KCNH2: variants seen among roughly 807,000 people sequenced by gnomAD.
The protein encoded by KCNH2 is voltage-gated inwardly rectifying potassium channel KCNH2.
Under a neutral mutation model 95.9 loss-of-function variants are expected in KCNH2, and 35 were observed. The ratio of observed to expected loss-of-function variants is 0.37; its 90% CI spans 0.28 to 0.48. The LOEUF (loss-of-function observed/expected upper bound fraction) is 0.48, where lower values mean the gene tolerates loss of function less well. Among genes scored for constraint, KCNH2 ranks in the 20% least tolerant of loss-of-function variants. The pLI, the probability that KCNH2 is intolerant of heterozygous loss-of-function variation, is 0.99. For synonymous variants in KCNH2, 786 were observed against 754.7 expected (o/e 1.04, Z -0.68); for missense variants, 1,274 against 1,702.9 (o/e 0.75, Z 4.43).
In KCNH2 at chr7:150,949,094, C is replaced by T. The variant is rs866912486; in HGVS notation, c.2399-45G>A. 1.4e-5 allele frequency: 22 copies of T among 1,559,932 alleles called. No individual in the cohort carries two copies. The Middle Eastern group carries it at 2.5e-3, about 179-fold the overall frequency. ...CAGGGAGCTCAGCCCCGGGGGGCGG[C>T]ATCCAGGCAGCAGGCACCTTCTCCC... On this transcript the variant is annotated intron_variant, in intron 9 of 14. Transcript: ENST00000262186.
chr7:150,953,141 G>C (rs921421817), intron 5 of KCNH2, among the ~76,000 whole-genome samples: 1 of 152,106 alleles, frequency 6.6e-6, no homozygotes, highest in Admixed American at 6.5e-5. Flanking sequence ...GCTGCTCCCC[G>C]CCGGCAATGC....
intron 2 of KCNH2, among the ~76,000 whole-genome samples, chr7:150,967,546 A>C (rs1801737702): frequency 6.6e-6 from 1 of 152,246 alleles, no homozygotes; most frequent in Non-Finnish European, 1.5e-5. Flanking sequence ...AGCGGAAAAG[A>C]ACAGACTGTT....
In KCNH2 at chr7:150,947,832, C is replaced by A; in HGVS notation, c.2739G>T (p.Ala913=). 6.6e-7 allele frequency: 1 copy of A among 1,525,618 alleles called. No individual in the cohort carries two copies. Among genetic ancestry groups the A allele is most frequent in the South Asian group, 1.2e-5 (1 of 82,222 alleles). 94.5% of individuals were successfully genotyped at this position (1,525,618 alleles called of 1,614,324 possible). A position where few individuals can be genotyped will look rare whatever the true frequency, so the allele number is the denominator to read the frequency against. The change falls in exon 12 of 15, where the codon GCG becomes GCT. Residue 913 remains alanine (A), a synonymous_variant. Coordinates refer to ENST00000262186, the MANE Select transcript of KCNH2 (RefSeq NM_000238.4). The part of the protein sequence containing the change: ...GEVSALGPGR[A]GAGPSSRGRP... ...GGCCCCGGCTACTCGGCCCTGCCCC[C>A]GCCCGGCCCGGCCCCAAGGCCGACA...
chr7:150,950,055 AC>A, intron 9 of KCNH2, 112 bp downstream of exon 9: 1 of 1,611,242 alleles, frequency 6.2e-7, no homozygotes, highest in Non-Finnish European at 8.5e-7. Flanking sequence ...GAGCCCAGTG[AC>A]CCTGCAGGCA....
rs794728405 is a variant in KCNH2, at chr7:150,946,902, G to A, written c.3305C>T (p.Thr1102Ile). ...CTGAGAAAGCGAGTCCAAGGTGAGG[G>A]TGGGGAGGGGGCTGACGGGCAACAG... ...SPLLPVSPLP[T>I]LTLDSLSQVS... Residue 1102 changes from threonine to isoleucine, a missense_variant, in exon 14 of 15, where the codon ACC (threonine) becomes ATC (isoleucine). Around this residue, in one of 7 missense-constraint regions of KCNH2, gnomAD observed 457 missense variants for 416.1 expected, o/e 1.10. Coordinates refer to ENST00000262186, the MANE Select transcript of KCNH2 (RefSeq NM_000238.4). The surrounding 1 kb of genome is among the most constrained non-coding windows in gnomAD (Gnocchi z 6.5). 3.1e-6 allele frequency: 5 copies of A among 1,599,324 alleles called. No homozygotes were observed. The highest frequency in any genetic ancestry group is 2.2e-5 in the East Asian group (1 of 44,510).
At position 150,945,654 on chromosome 7, in the gene KCNH2, C is replaced by G; in HGVS notation, c.3331-140G>C. ...GAGGAGAGTCAGGTGGGCAGAGAAG[C>G]TGGAGGGGACAAGAGCCAAGGCAGC... On this transcript the variant is annotated intron_variant, in intron 14 of 14. Transcript: ENST00000262186. This position sits in a 1 kb window ranked among gnomAD's most constrained non-coding sequence, Gnocchi z 5.6. 1 of 902,776 alleles carries G rather than the reference C, an allele frequency of 1.1e-6. No individual in the cohort carries two copies. Among genetic ancestry groups the G allele is most frequent in the Non-Finnish European group, 1.8e-6 (1 of 568,878 alleles). 55.9% of individuals were successfully genotyped at this position (902,776 alleles called of 1,614,324 possible).
intron 2 of KCNH2, among the ~76,000 whole-genome samples, chr7:150,960,812 C>T (rs1022389170): frequency 1.3e-5 from 2 of 152,122 alleles, no homozygotes; most frequent in Admixed American, 1.3e-4. Flanking sequence ...AGCCAAGCAC[C>T]CCTGGTCTCC....
Position 150,945,992 on chromosome 7 carries a change from G to C in KCNH2, c.3331-478C>G, listed in dbSNP as rs1800873518. On this transcript the variant is annotated intron_variant, in intron 14 of 14. Transcript: ENST00000262186. The surrounding 1 kb of genome is among the most constrained non-coding windows in gnomAD (Gnocchi z 5.6). ...GGGAGAGGGCCGGGGCAGGCGGGAG[G>C]GGTTTGTGGGTACTGAGCGTCTGCT... Among the ~76,000 whole-genome samples the C allele has an allele frequency of 6.6e-6, 1 of 152,216 alleles. No individual in the cohort carries two copies. Among genetic ancestry groups the C allele is most frequent in the South Asian group, 2.1e-4 (1 of 4,836 alleles).
Position 150,955,501 on chromosome 7 carries a change from C to G in KCNH2, c.1128+1790G>C, listed in dbSNP as rs775923493. 7 of 1,545,944 alleles carry G rather than the reference C, an allele frequency of 4.5e-6. 1 individual carries two copies. In the South Asian group the frequency reaches 8.4e-5, roughly 18 times the overall value. On this transcript the variant is annotated intron_variant, in intron 5 of 14. Coordinates refer to ENST00000262186, the MANE Select transcript of KCNH2 (RefSeq NM_000238.4). ...TGCTCGCCTTCCCGGCTGGGGCCGCCATGGAGGACTTGGCTCCCTGCAGCC... is the reference window on the plus strand; with the variant it reads ...TGCTCGCCTTCCCGGCTGGGGCCGCGATGGAGGACTTGGCTCCCTGCAGCC...
Position 150,958,421 on chromosome 7 carries a change from G to T in KCNH2, c.554C>A (p.Ala185Glu). 1 of 1,444,346 alleles carries T rather than the reference G, an allele frequency of 6.9e-7. No homozygotes were observed. The highest frequency in any genetic ancestry group is 9.0e-7 in the Non-Finnish European group (1 of 1,107,418). The allele number at this position is 1,444,346 out of a possible 1,614,324, so 89.5% of individuals were successfully genotyped here. ...ARESSVRSGG[A>E]GGAGAPGAVV... ...GGCCCCCGGGGCGCCCGCGCCGCCC[G>T]CGCCGCCCGACCGCACCGACGACTC... Residue 185 changes from alanine (A) to glutamate (E), a missense_variant, in exon 4 of 15, where the codon GCG (alanine) becomes GAG (glutamate). Ala to Glu is a moderately radical substitution (Grantham distance 107). Transcript: ENST00000262186.
Position 150,949,192 on chromosome 7 carries a change from C to T in KCNH2, c.2399-143G>A, listed in dbSNP as rs939383245. ...CCAGCCGGCCCCCAACCCACACAAC[C>T]GGGGAAGCAATCTGCCAGCCCACCC... On this transcript the variant is annotated intron_variant, in intron 9 of 14. Transcript: ENST00000262186. 66 of 1,096,156 alleles carry T rather than the reference C, an allele frequency of 6.0e-5. No individual in the cohort carries two copies. The African/African-American group carries it at 6.9e-4, about 11-fold the overall frequency. 67.9% of individuals were successfully genotyped at this position (1,096,156 alleles called of 1,614,324 possible).
chr7:150,945,409 T>A lies in KCNH2; in HGVS notation c.3436A>T (p.Thr1146Ser), dbSNP rs778879572. 93 of 1,583,158 alleles carry A rather than the reference T, an allele frequency of 5.9e-5. No individual in the cohort carries two copies. The Admixed American group carries it at 1.2e-3, about 20-fold the overall frequency. Residue 1146 changes from threonine (T) to serine (S), a missense_variant, in exon 15 of 15, where the codon ACC (threonine) becomes TCC (serine). By Grantham distance (58) the Thr-to-Ser change is moderately conservative. This residue lies in a region of KCNH2 where 457 missense variants were observed against 416.1 expected (regional missense o/e 1.10). Coordinates refer to ENST00000262186, the MANE Select transcript of KCNH2 (RefSeq NM_000238.4). The surrounding 1 kb of genome is among the most constrained non-coding windows in gnomAD (Gnocchi z 5.6). Reference protein sequence around the residue: ...LSLPGQLGALTSQPLHRHGSD... With the variant: ...LSLPGQLGALSSQPLHRHGSD... ...CCGTGTCTGTGCAGGGGCTGGGAGG[T>A]GAGGGCCCCCAGCTGGCCCGGTAGG...
At chr7:150,964,592 G>T (rs1563178955) in intron 2 of KCNH2, among the ~76,000 whole-genome samples, 1 of 152,356 alleles carries the variant, frequency 6.6e-6, no homozygotes, top group East Asian at 1.9e-4. Context: ...CAGATGAGAT[G>T]ACAGATGGCT....
intron 2 of KCNH2, among the ~76,000 whole-genome samples, chr7:150,972,818 G>C (rs41308993): frequency 0.033 from 5,060 of 152,256 alleles, 114 homozygotes; most frequent in Middle Eastern, 0.048. Flanking sequence ...TAACTCCTCT[G>C]CAGAAGGGGG....
At chr7:150,976,739 C>CA (rs1554431243) in intron 1 of KCNH2, among the ~76,000 whole-genome samples, 5 of 151,304 alleles carry the variant, frequency 3.3e-5, no homozygotes, top group Non-Finnish European at 5.9e-5. Context: ...CACCCCCCCC[C>CA]ACATCCATCC....
chr7:150,953,942 G>A (rs990473361), intron 5 of KCNH2, among the ~76,000 whole-genome samples: 3 of 152,220 alleles, frequency 2.0e-5, no homozygotes, highest in Non-Finnish European at 4.4e-5. Context: ...CATAGTTGAT[G>A]AGTCCCAAAG....
In KCNH2 at chr7:150,945,135, GGCA is replaced by G. The variant is rs1435670048; in HGVS notation, c.*227_*229del. 1 of 580,192 alleles carries G rather than the reference GGCA, an allele frequency of 1.7e-6. No homozygotes were observed. Among genetic ancestry groups the G allele is most frequent in the Non-Finnish European group, 3.0e-6 (1 of 329,686 alleles). 35.9% of individuals were successfully genotyped at this position (580,192 alleles called of 1,614,324 possible). ...CAGTTAGACCAGCTAATGCCCTCAG[GGCA>G]GTGGGGGGACCACAGGCCCCACCTA... On this transcript the variant is annotated 3_prime_UTR_variant, in exon 15 of 15. Coordinates refer to ENST00000262186, the MANE Select transcript of KCNH2 (RefSeq NM_000238.4). This position sits in a 1 kb window ranked among gnomAD's most constrained non-coding sequence, Gnocchi z 5.6.
rs1340689372 is a variant in KCNH2, at chr7:150,951,716, G to A, written c.1677C>T (p.Leu559=). The A allele has an allele frequency of 1.2e-6, 2 of 1,613,592 alleles. No homozygotes were observed. Among genetic ancestry groups the A allele is most frequent in the Non-Finnish European group, 8.5e-7 (1 of 1,179,490 alleles). The part of the protein sequence containing the change: ...VLFLLMCTFA[L]IAHWLACIWY... ...AGATGCAGGCTAGCCAGTGCGCGAT[G>A]AGCGCAAAGGTGCACATGAGCAAGA... The change falls in exon 7 of 15, where the codon CTC becomes CTT. Residue 559 remains leucine, a synonymous_variant. Transcript: ENST00000262186.
intron 2 of KCNH2, among the ~76,000 whole-genome samples, chr7:150,966,219 C>T (rs1348379460): frequency 1.3e-5 from 2 of 152,200 alleles, no homozygotes; most frequent in African/African-American, 4.8e-5. Flanking sequence ...TCTGGGGTCT[C>T]CTCTAGTGAG....
Sources: gnomAD v4.1 joint callset for allele counts (sites outside exome capture counted in the v4.1 genomes callset) on GRCh38, gnomAD v4.1.1 for gene constraint, gnomAD v4.1.1 regional missense constraint, Gnocchi (gnomAD v3.1) non-coding constraint, MANE v1.5 for transcripts, NCBI Gene and HGNC (gene_info 2026-07-23, HGNC 2026-07-21) for gene names.